The following IMMP2L variants were observed in gnomAD, a reference collection of about 807,000 sequenced individuals.
IMMP2L encodes the protein mitochondrial inner membrane protease subunit 2.
A neutral mutation model predicts 19.3 loss-of-function variants in IMMP2L; 18 were observed. The observed-to-expected ratio is 0.93, with a 90% CI of 0.64 to 1.38. IMMP2L has a LOEUF of 1.38. Among genes scored for constraint, IMMP2L ranks in the 40% most tolerant of loss-of-function variants. The pLI is 0.00. For missense variants in IMMP2L, 233 were observed against 218.2 expected (o/e 1.07, Z -0.43); for synonymous variants, 76 against 73.0 (o/e 1.04, Z -0.21).
At position 111,438,624 on chromosome 7, in the gene IMMP2L, A is replaced by G. The variant is rs1185237754; in HGVS notation, c.239+48614T>C. Among the ~76,000 whole-genome samples, 4 of 151,934 alleles carry G rather than the reference A, an allele frequency of 2.6e-5. No individual in the cohort carries two copies. The East Asian group carries it at 7.7e-4, about 29-fold the overall frequency. On this transcript the variant is annotated intron_variant, in intron 3 of 5. Transcript: ENST00000405709. ...TGTTGTTAGAAGAAATGATAATGAA[A>G]TATAAAACCTTTCTCTTCTAGGTTA...
chr7:111,267,978 ATGGTAAT>A (rs1275775143), intron 3 of IMMP2L, among the ~76,000 whole-genome samples: 1 of 152,106 alleles, frequency 6.6e-6, no homozygotes, highest in Non-Finnish European at 1.5e-5. Context: ...CTATTTAAGT[ATGGTAAT>A]TCAAGACATT....
intron 3 of IMMP2L, among the ~76,000 whole-genome samples, chr7:111,065,683 C>T (rs10232638): frequency 6.6e-6 from 1 of 152,296 alleles, no homozygotes; most frequent in Non-Finnish European, 1.5e-5. Context: ...TTCTCCTGTG[C>T]TGGATGCTTC....
In IMMP2L at chr7:111,487,230, T is replaced by A; in HGVS notation, c.239+8A>T. On this transcript the variant is annotated splice_region_variant and intron_variant, in intron 3 of 5. Transcript: ENST00000405709. Reference sequence around the variant, plus strand: ...TATACAAATATAGTATGCTTCTGAGTTACTTACACCAATGATACAATGTCA... The same window carrying A: ...TATACAAATATAGTATGCTTCTGAGATACTTACACCAATGATACAATGTCA... 7.6e-7 allele frequency: 1 copy of A among 1,321,142 alleles called. No homozygotes were observed. The highest frequency in any genetic ancestry group is 1.1e-6 in the Non-Finnish European group (1 of 915,128). 81.8% of individuals were successfully genotyped at this position (1,321,142 alleles called of 1,614,324 possible).
Position 110,887,351 on chromosome 7 carries a change from T to A in IMMP2L, c.306-656A>T, listed in dbSNP as rs562699573. Among the ~76,000 whole-genome samples, 39 of 152,172 alleles carry A rather than the reference T, an allele frequency of 2.6e-4. 1 individual carries two copies. The South Asian group carries it at 7.9e-3, about 31-fold the overall frequency. ...GTTGCAAAACATTCTATATTAATGT[T>A]GGCAAGGAAATGGACTAAGAAAAGG... On this transcript the variant is annotated intron_variant, in intron 4 of 5. Transcript: ENST00000405709.
chr7:110,902,458 T>A (rs1811973494), intron 4 of IMMP2L, among the ~76,000 whole-genome samples: 1 of 139,880 alleles, frequency 7.1e-6, no homozygotes, highest in South Asian at 2.3e-4. Context: ...AAATAAAATA[T>A]AAATATGTCA....
In IMMP2L at chr7:111,499,855, T is replaced by G. The variant is rs559405582; in HGVS notation, c.136-12514A>C. On this transcript the variant is annotated intron_variant, in intron 2 of 5. Transcript: ENST00000405709. Reference sequence around the variant, plus strand: ...CAAGATGGCCAAATAGGAACAGCTCTGGTCTACAGCTCCCAGAATGAGCGA... The same window carrying G: ...CAAGATGGCCAAATAGGAACAGCTCGGGTCTACAGCTCCCAGAATGAGCGA... Among the ~76,000 whole-genome samples the G allele has an allele frequency of 4.6e-5, 7 of 152,282 alleles. No homozygotes were observed. In the East Asian group the frequency reaches 1.2e-3, roughly 25 times the overall value.
intron 3 of IMMP2L, among the ~76,000 whole-genome samples, chr7:111,068,282 T>C (rs1794676823): frequency 6.6e-6 from 1 of 152,160 alleles, no homozygotes; most frequent in Non-Finnish European, 1.5e-5. Flanking sequence ...TTGTGACTGA[T>C]GGGCAGCATT....
At chr7:110,940,705 T>C (rs1212357295) in intron 4 of IMMP2L, among the ~76,000 whole-genome samples, 1 of 152,180 alleles carries the variant, frequency 6.6e-6, no homozygotes, top group East Asian at 1.9e-4. Flanking sequence ...TGCAAATGTA[T>C]GTCACTCTCT....
At chr7:111,496,997 T>C (rs918087598) in intron 2 of IMMP2L, among the ~76,000 whole-genome samples, 2 of 152,170 alleles carry the variant, frequency 1.3e-5, no homozygotes, top group Non-Finnish European at 2.9e-5. Flanking sequence ...AATTTCTTAA[T>C]TTTTCTTTTA....
At chr7:111,260,755 G>GC (rs1562978475) in intron 3 of IMMP2L, among the ~76,000 whole-genome samples, 1 of 151,942 alleles carries the variant, frequency 6.6e-6, no homozygotes, top group African/African-American at 2.4e-5. Flanking sequence ...GTATACAATC[G>GC]AAACAGGTAT....
At chr7:111,194,947 C>T (rs1411721544) in intron 3 of IMMP2L, among the ~76,000 whole-genome samples, 2 of 151,930 alleles carry the variant, frequency 1.3e-5, no homozygotes, top group South Asian at 2.1e-4. Flanking sequence ...TTTTACTTAT[C>T]GTTTTCATAG....
At chr7:111,209,455 A>C (rs920514310) in intron 3 of IMMP2L, among the ~76,000 whole-genome samples, 1 of 151,986 alleles carries the variant, frequency 6.6e-6, no homozygotes, top group Non-Finnish European at 1.5e-5. Context: ...TCAAAAATTA[A>C]TATGTAGTTT....
At chr7:111,483,648 T>C (rs918631958) in intron 3 of IMMP2L, 5 of 152,156 alleles carry the variant, frequency 3.3e-5, no homozygotes, top group Admixed American at 3.3e-4. Flanking sequence ...TCCCATGCTT[T>C]AGGAAACAAC....
At chr7:111,227,631 A>G (rs1354238328) in intron 3 of IMMP2L, among the ~76,000 whole-genome samples, 1 of 152,132 alleles carries the variant, frequency 6.6e-6, no homozygotes, top group Non-Finnish European at 1.5e-5. Context: ...GAGGAGAAAC[A>G]CTTAATAAAG....
At chr7:111,427,862 C>G (rs1237708504) in intron 3 of IMMP2L, among the ~76,000 whole-genome samples, 1 of 151,824 alleles carries the variant, frequency 6.6e-6, no homozygotes, top group Non-Finnish European at 1.5e-5. Flanking sequence ...AGGCTCAGTT[C>G]TATTAGGTAA....
At chr7:111,342,840 C>G (rs749187206) in intron 3 of IMMP2L, among the ~76,000 whole-genome samples, 12 of 151,972 alleles carry the variant, frequency 7.9e-5, no homozygotes, top group Non-Finnish European at 1.6e-4. Context: ...ATACACGAAT[C>G]TCTAAAAAGT....
chr7:111,165,747 C>T (rs1317057931), intron 3 of IMMP2L, among the ~76,000 whole-genome samples: 1 of 151,976 alleles, frequency 6.6e-6, no homozygotes, highest in Non-Finnish European at 1.5e-5. Context: ...AAACAAATCT[C>T]CCATACTCAT....
At chr7:111,458,215 C>T (rs2131980750) in intron 3 of IMMP2L, among the ~76,000 whole-genome samples, 1 of 151,996 alleles carries the variant, frequency 6.6e-6, no homozygotes, top group East Asian at 1.9e-4. Context: ...CCCATCTCCA[C>T]CAAAAAATAC....
chr7:111,251,778 C>T (rs2129632288), intron 3 of IMMP2L, among the ~76,000 whole-genome samples: 1 of 152,024 alleles, frequency 6.6e-6, no homozygotes, highest in Non-Finnish European at 1.5e-5. Flanking sequence ...AGAAGAATAG[C>T]TAATGGATGC....
Sources: gnomAD v4.1 joint callset for allele counts (sites outside exome capture counted in the v4.1 genomes callset) on GRCh38, gnomAD v4.1.1 for gene constraint, MANE v1.5 for transcripts, NCBI Gene and HGNC (gene_info 2026-07-23, HGNC 2026-07-21) for gene names.